AMOTL1: variants seen among roughly 807,000 people sequenced by gnomAD.
AMOTL1 encodes the protein angiomotin like 1.
A neutral mutation model predicts 102.9 loss-of-function variants in AMOTL1; 45 were observed. That is an observed-to-expected ratio of 0.44 (90% confidence interval 0.34 to 0.56). AMOTL1 has a LOEUF of 0.56. AMOTL1 is among the 20% of genes least tolerant of loss of function. The pLI is 0.01. For missense variants in AMOTL1, 1,114 were observed against 1,225.6 expected (o/e 0.91, Z 1.36); for synonymous variants, 481 against 484.7 (o/e 0.99, Z 0.10).
At chr11:94,850,327 T>G in intron 7 of AMOTL1, 68 bp downstream of exon 7, 1 of 1,489,888 alleles carries the variant, frequency 6.7e-7, no homozygotes, top group Non-Finnish European at 8.9e-7. Context: ...TCCACTTTCT[T>G]TTCCTAACCC....
Position 94,821,675 on chromosome 11 carries a change from G to A in AMOTL1, c.1267G>A (p.Ala423Thr), listed in dbSNP as rs1221332996. 1.2e-6 allele frequency: 2 copies of A among 1,613,972 alleles called. No homozygotes were observed. Among genetic ancestry groups the A allele is most frequent in the Non-Finnish European group, 1.7e-6 (2 of 1,179,886 alleles). ...CCTGGGTGCTCCACAGCCCCCGCCT[G>A]CCGCCTCCCCCAGCCAGCAGCTTGG... ...MALGAPQPPP[A>T]ASPSQQLGPD... Residue 423 changes from alanine (A) to threonine (T), a missense_variant, in exon 4 of 13, where the codon GCC becomes ACC. Coordinates refer to ENST00000433060, the MANE Select transcript of AMOTL1 (RefSeq NM_130847.3).
chr11:94,787,374 T>C (rs765047162), intron 1 of AMOTL1, among the ~76,000 whole-genome samples: 10 of 152,058 alleles, frequency 6.6e-5, no homozygotes, highest in Non-Finnish European at 1.5e-4. Context: ...GGTAGGGCAA[T>C]GTACATGAGT....
intron 7 of AMOTL1, among the ~76,000 whole-genome samples, chr11:94,850,542 A>G (rs868638603): frequency 6.6e-6 from 1 of 152,268 alleles, no homozygotes; most frequent in Non-Finnish European, 1.5e-5. Flanking sequence ...TGTCCTACTC[A>G]GTCATCATGC....
At chr11:94,832,707 C>T (rs1209862831) in intron 6 of AMOTL1, among the ~76,000 whole-genome samples, 1 of 152,138 alleles carries the variant, frequency 6.6e-6, no homozygotes, top group African/African-American at 2.4e-5. Flanking sequence ...TAGATCTCAC[C>T]TTGGTTTCAT....
At chr11:94,801,467 C>A (rs776289138) in intron 3 of AMOTL1, among the ~76,000 whole-genome samples, 1 of 152,022 alleles carries the variant, frequency 6.6e-6, no homozygotes, top group African/African-American at 2.4e-5. Flanking sequence ...CATAAGCAAT[C>A]GGGAAAAGCG....
intron 2 of AMOTL1, among the ~76,000 whole-genome samples, chr11:94,734,880 T>C (rs1389911508): frequency 6.6e-6 from 1 of 152,192 alleles, no homozygotes; most frequent in Non-Finnish European, 1.5e-5. Flanking sequence ...GGGAAGGCCA[T>C]ACACACATCC....
intron 6 of AMOTL1, among the ~76,000 whole-genome samples, chr11:94,844,984 G>T (rs1952379404): frequency 1.3e-5 from 2 of 152,164 alleles, no homozygotes; most frequent in African/African-American, 4.8e-5. Flanking sequence ...TTCCTATGTA[G>T]GAAGTGCTGG....
At chr11:94,719,765 C>T (rs1950149297) in intron 1 of AMOTL1, among the ~76,000 whole-genome samples, 2 of 152,074 alleles carry the variant, frequency 1.3e-5, no homozygotes, top group South Asian at 4.1e-4. Flanking sequence ...GTACGCTTTT[C>T]TTTTACAATT....
At chr11:94,838,772 A>G (rs762992149) in intron 6 of AMOTL1, among the ~76,000 whole-genome samples, 6 of 152,254 alleles carry the variant, frequency 3.9e-5, no homozygotes, top group African/African-American at 2.4e-5. Context: ...TTAATCCCAC[A>G]TCAGGGGAAC....
chr11:94,870,704 A>G lies in AMOTL1; in HGVS notation c.2780A>G (p.His927Arg), dbSNP rs1407021548. 5.0e-6 allele frequency: 8 copies of G among 1,600,750 alleles called. No individual in the cohort carries two copies. Among genetic ancestry groups the G allele is most frequent in the Non-Finnish European group, 6.8e-6 (8 of 1,172,724 alleles). Residue 927 changes from histidine (H) to arginine (R), a missense_variant, in exon 13 of 13, where the codon CAT becomes CGT. His to Arg is a conservative substitution (Grantham distance 29). Transcript: ENST00000433060. ...TAEKLENSPG[H>R]GKSPDHRGRV... is the part of the protein sequence containing the mutation. ...TATTTGGCAGAGAACTCTCCTGGCC[A>G]TGGGAAGTCGCCTGACCACAGAGGC...
chr11:94,846,656 G>A (rs689926), intron 6 of AMOTL1, among the ~76,000 whole-genome samples: 21,022 of 152,188 alleles, frequency 0.14, 3,176 homozygotes, highest in African/African-American at 0.38. Context: ...CTGTGCAATA[G>A]TAAACTGTGT....
chr11:94,793,595 C>T (rs1260349710), intron 1 of AMOTL1, among the ~76,000 whole-genome samples: 1 of 152,238 alleles, frequency 6.6e-6, no homozygotes, highest in East Asian at 1.9e-4. Context: ...CAGATTAGGA[C>T]TTGCCTTTGC....
intron 1 of AMOTL1, among the ~76,000 whole-genome samples, chr11:94,708,557 A>G (rs557569721): frequency 1.3e-5 from 2 of 152,320 alleles, no homozygotes; most frequent in Non-Finnish European, 2.9e-5. Flanking sequence ...TTAAATGAGA[A>G]CATTTATGGA....
chr11:94,734,020 A>G (rs1392527506), intron 2 of AMOTL1, among the ~76,000 whole-genome samples: 1 of 152,218 alleles, frequency 6.6e-6, no homozygotes, highest in Non-Finnish European at 1.5e-5. Context: ...CAGGAATGGG[A>G]CAAATTTAAT....
intron 2 of AMOTL1, among the ~76,000 whole-genome samples, chr11:94,796,142 C>T (rs1951360905): frequency 6.6e-6 from 1 of 152,110 alleles, no homozygotes; most frequent in African/African-American, 2.4e-5. Flanking sequence ...GGGTTTATAT[C>T]TCAGTTACAA....
chr11:94,853,859 C>A (rs767122567), intron 7 of AMOTL1, 74 bp from the exon 8 acceptor site: 171 of 1,535,234 alleles, frequency 1.1e-4, no homozygotes, highest in Middle Eastern at 3.6e-4. Flanking sequence ...GGTAATCTGA[C>A]CCCACCTCCT....
At chr11:94,804,103 T>C (rs1951527476) in intron 3 of AMOTL1, among the ~76,000 whole-genome samples, 1 of 152,224 alleles carries the variant, frequency 6.6e-6, no homozygotes, top group Non-Finnish European at 1.5e-5. Flanking sequence ...TCAAATTATC[T>C]ATGTTTTGGC....
intron 2 of AMOTL1, among the ~76,000 whole-genome samples, chr11:94,733,809 A>G (rs1290867309): frequency 6.6e-6 from 1 of 152,240 alleles, no homozygotes; most frequent in African/African-American, 2.4e-5. Flanking sequence ...TCGGAAGTGT[A>G]TGATTTTCCT....
At chr11:94,824,239 T>C (rs1951921621) in intron 4 of AMOTL1, among the ~76,000 whole-genome samples, 1 of 152,218 alleles carries the variant, frequency 6.6e-6, no homozygotes, top group South Asian at 2.1e-4. Context: ...GTTCTACAAG[T>C]ACAGTAAGTC....
Sources: gnomAD v4.1 joint callset for allele counts (sites outside exome capture counted in the v4.1 genomes callset) on GRCh38, gnomAD v4.1.1 for gene constraint, MANE v1.5 for transcripts, NCBI Gene and HGNC (gene_info 2026-07-23, HGNC 2026-07-21) for gene names.